TTC28: variants seen among roughly 807,000 people sequenced by gnomAD.
The protein encoded by TTC28 is tetratricopeptide repeat protein 28.
A neutral mutation model predicts 198.0 loss-of-function variants in TTC28; 61 were observed. That is an observed-to-expected ratio of 0.31 (90% CI 0.25 to 0.38). The LOEUF (loss-of-function observed/expected upper bound fraction) is 0.38. Among genes scored for constraint, TTC28 ranks in the 10% least tolerant of loss-of-function variants. The pLI is 1.00. For missense variants in TTC28, 2,678 were observed against 3,164.0 expected, an observed-to-expected ratio of 0.85 and a Z score of 3.69; for synonymous variants, 1,171 against 1,297.8, an observed-to-expected ratio of 0.90 and a Z score of 2.10.
chr22:28,207,831 C>T (rs1926564795), intron 5 of TTC28, among the ~76,000 whole-genome samples: 2 of 152,044 alleles, frequency 1.3e-5, no homozygotes, highest in African/African-American at 4.8e-5. Flanking sequence ...AAATGAATCA[C>T]ATAGACTGTA....
chr22:28,528,194 T>G (rs981577436), intron 2 of TTC28, among the ~76,000 whole-genome samples: 5 of 152,208 alleles, frequency 3.3e-5, no homozygotes, highest in Non-Finnish European at 5.9e-5. Context: ...TTATCTTTTC[T>G]TCAGTTTCAT....
intron 2 of TTC28, among the ~76,000 whole-genome samples, chr22:28,422,683 G>A (rs1365122644): frequency 4.6e-5 from 7 of 151,990 alleles, no homozygotes; most frequent in African/African-American, 1.4e-4. Context: ...CCGACCTCAC[G>A]ATTCACCCAC....
At chr22:28,181,826 C>T (rs766506164) in intron 5 of TTC28, among the ~76,000 whole-genome samples, 19 of 152,022 alleles carry the variant, frequency 1.2e-4, no homozygotes, top group Non-Finnish European at 2.6e-4. Context: ...ATGGGGAGGC[C>T]GAGGCTAGAA....
chr22:28,021,109 G>A (rs1938578026), intron 13 of TTC28, among the ~76,000 whole-genome samples: 1 of 152,166 alleles, frequency 6.6e-6, no homozygotes, highest in African/African-American at 2.4e-5. Flanking sequence ...GTCAGCAGAT[G>A]AAGAAACAGG....
At chr22:28,676,740 C>T (rs1400993557) in intron 1 of TTC28, among the ~76,000 whole-genome samples, 1 of 149,034 alleles carries the variant, frequency 6.7e-6, no homozygotes, top group East Asian at 2.0e-4. Context: ...AAAAAAAAGC[C>T]AGGTGTGGTG....
chr22:28,401,746 G>A (rs186488320), intron 2 of TTC28, among the ~76,000 whole-genome samples: 129 of 152,134 alleles, frequency 8.5e-4, no homozygotes, highest in African/African-American at 2.9e-3. Context: ...ACCAGCCTAG[G>A]CAACAAAAGC....
At chr22:28,392,731 C>T (rs1409354318) in intron 2 of TTC28, among the ~76,000 whole-genome samples, 18 of 151,962 alleles carry the variant, frequency 1.2e-4, no homozygotes, top group African/African-American at 4.1e-4. Context: ...CACTGACCTG[C>T]GCCCACTGTC....
At chr22:28,629,272 A>C (rs956298533) in intron 2 of TTC28, among the ~76,000 whole-genome samples, 1 of 152,198 alleles carries the variant, frequency 6.6e-6, no homozygotes, top group Non-Finnish European at 1.5e-5. Flanking sequence ...TATATAAAGA[A>C]CTAGAATGTA....
At chr22:28,352,493 A>C (rs2145935576) in intron 2 of TTC28, among the ~76,000 whole-genome samples, 1 of 152,222 alleles carries the variant, frequency 6.6e-6, no homozygotes, top group East Asian at 1.9e-4. Context: ...AGAAACGGAA[A>C]TTCCTAAGTG....
chr22:28,243,315 C>T (rs1390008352), intron 5 of TTC28, among the ~76,000 whole-genome samples: 3 of 151,240 alleles, frequency 2.0e-5, no homozygotes, highest in Non-Finnish European at 4.4e-5. Flanking sequence ...CATGATCATG[C>T]CACTGCACTC....
chr22:28,561,473 A>C (rs953869825), intron 2 of TTC28, among the ~76,000 whole-genome samples: 1 of 152,206 alleles, frequency 6.6e-6, no homozygotes, highest in African/African-American at 2.4e-5. Context: ...TGTTTCCTGC[A>C]TAGAAGGAAA....
At chr22:28,181,726 G>A (rs2147105747) in intron 5 of TTC28, among the ~76,000 whole-genome samples, 1 of 152,226 alleles carries the variant, frequency 6.6e-6, no homozygotes, top group Middle Eastern at 3.4e-3. Context: ...GATACTTAAG[G>A]ATTCTCCTAT....
chr22:28,021,246 G>C (rs1056390419), intron 13 of TTC28, among the ~76,000 whole-genome samples: 1 of 152,206 alleles, frequency 6.6e-6, no homozygotes, highest in Non-Finnish European at 1.5e-5. Context: ...GGGCTGACCA[G>C]ATGGCTGGGA....
In TTC28 at chr22:28,094,067, T is replaced by C; in HGVS notation, c.3932+13A>G. The C allele has an allele frequency of 5.3e-6, 8 of 1,517,230 alleles. No individual in the cohort carries two copies. The highest frequency in any genetic ancestry group is 7.1e-6 in the Non-Finnish European group (8 of 1,133,352). The allele number at this position is 1,517,230 out of a possible 1,614,324, so 94.0% of individuals were successfully genotyped here. A position where few individuals can be genotyped will look rare whatever the true frequency, so the allele number is the denominator to read the frequency against. On this transcript the variant is annotated intron_variant, in intron 12 of 22. Coordinates refer to ENST00000397906, the MANE Select transcript of TTC28 (RefSeq NM_001145418.2). ...TTATCTGAAAATGGACTTGGGGATG[T>C]TTTACTACCTACCTTGAGTAGTGAG...
At chr22:28,454,143 G>GC (rs973792577) in intron 2 of TTC28, among the ~76,000 whole-genome samples, 1 of 151,946 alleles carries the variant, frequency 6.6e-6, no homozygotes, top group Admixed American at 6.6e-5. Flanking sequence ...AAATTAACCC[G>GC]CCCCCCTACT....
chr22:28,480,223 T>C (rs2048225713), intron 2 of TTC28, among the ~76,000 whole-genome samples: 1 of 152,200 alleles, frequency 6.6e-6, no homozygotes, highest in South Asian at 2.1e-4. Context: ...TAATGAGAGT[T>C]GGGGAAATTT....
intron 2 of TTC28, among the ~76,000 whole-genome samples, chr22:28,373,112 G>T (rs538622266): frequency 1.3e-5 from 2 of 152,126 alleles, no homozygotes; most frequent in South Asian, 4.2e-4. Flanking sequence ...TTATACCTTG[G>T]AAATATTGTC....
intron 2 of TTC28, among the ~76,000 whole-genome samples, chr22:28,621,334 T>C (rs1261659369): frequency 6.6e-6 from 1 of 152,122 alleles, no homozygotes; most frequent in Admixed American, 6.5e-5. Context: ...AAAGTAAGAA[T>C]GAAACTATAA....
At chr22:28,373,775 T>TTC (rs1174213862) in intron 2 of TTC28, among the ~76,000 whole-genome samples, 1 of 151,956 alleles carries the variant, frequency 6.6e-6, no homozygotes, top group Non-Finnish European at 1.5e-5. Flanking sequence ...CCAAAGAAAG[T>TTC]TCTCTCTCTG....
Sources: gnomAD v4.1 joint callset for allele counts (sites outside exome capture counted in the v4.1 genomes callset) on GRCh38, gnomAD v4.1.1 for gene constraint, MANE v1.5 for transcripts, NCBI Gene and HGNC (gene_info 2026-07-23, HGNC 2026-07-21) for gene names.